DNAH3: variants seen among roughly 807,000 people sequenced by gnomAD.
DNAH3 encodes the protein axonemal beta dynein heavy chain 3.
DNAH3 carries 332 observed loss-of-function variants against 432.5 expected under a neutral mutation model. That is an observed-to-expected ratio of 0.77 (90% CI 0.70 to 0.84). The LOEUF is 0.84. Ranked by LOEUF, DNAH3 falls within the 40% of genes least tolerant of loss-of-function variation. The probability of loss-of-function intolerance (pLI) is 0.00; values close to 1 mark genes in which losing one functional copy is unlikely to be tolerated. For missense variants in DNAH3, 4,861 were observed against 5,114.0 expected, an observed-to-expected ratio of 0.95 and a Z score of 1.51; for synonymous variants, 1,956 against 1,900.2, an observed-to-expected ratio of 1.03 and a Z score of -0.76.
chr16:21,039,731 C>T (rs1597212809), intron 33 of DNAH3, 121 bp downstream of exon 33: 6 of 816,220 alleles, frequency 7.4e-6, no homozygotes, highest in Non-Finnish European at 1.3e-5. Flanking sequence ...ACCCAGTAAG[C>T]AGAAGCAAGT....
intron 17 of DNAH3, among the ~76,000 whole-genome samples, chr16:21,098,166 G>C (rs1230335667): frequency 6.6e-6 from 1 of 152,214 alleles, no homozygotes; most frequent in Non-Finnish European, 1.5e-5. Context: ...CAGTGAGCCA[G>C]GTGTGGTGGC....
At chr16:21,066,805 T>G (rs1345427144) in intron 24 of DNAH3, among the ~76,000 whole-genome samples, 2 of 152,212 alleles carry the variant, frequency 1.3e-5, no homozygotes, top group Non-Finnish European at 1.5e-5. Flanking sequence ...TGGTGTTTCT[T>G]AAACACATAG....
intron 59 of DNAH3, among the ~76,000 whole-genome samples, chr16:20,937,772 C>T (rs1010940259): frequency 1.3e-5 from 2 of 151,986 alleles, no homozygotes; most frequent in South Asian, 2.1e-4. Context: ...GTAATCCTCC[C>T]ACCTCAGCCT....
chr16:21,006,145 T>G (rs2087291837), intron 41 of DNAH3, among the ~76,000 whole-genome samples: 1 of 152,226 alleles, frequency 6.6e-6, no homozygotes, highest in Non-Finnish European at 1.5e-5. Flanking sequence ...TCTCTTCTGT[T>G]GTATGTGTAA....
At chr16:21,129,358 C>T (rs2092509090) in intron 7 of DNAH3, 2 of 152,488 alleles carry the variant, frequency 1.3e-5, no homozygotes, top group African/African-American at 4.8e-5. Flanking sequence ...GTAAAGGCTA[C>T]CCATGGCTGG....
At chr16:21,069,671 T>A (rs957228090) in intron 22 of DNAH3, 77 bp from the exon 23 acceptor site, 27 of 1,233,932 alleles carry the variant, frequency 2.2e-5, no homozygotes, top group Non-Finnish European at 3.0e-5. Flanking sequence ...AGCAAATGGA[T>A]GGAGCCGTAC....
chr16:21,151,403 C>T (rs1168252073), intron 1 of DNAH3, among the ~76,000 whole-genome samples: 3 of 150,362 alleles, frequency 2.0e-5, no homozygotes, highest in Non-Finnish European at 2.9e-5. Flanking sequence ...TCACTGCAAG[C>T]TCTGCCTCCC....
At chr16:20,933,973 C>T (rs1186042249) in intron 61 of DNAH3, among the ~76,000 whole-genome samples, 2 of 152,150 alleles carry the variant, frequency 1.3e-5, no homozygotes, top group East Asian at 3.8e-4. Context: ...ATTTAACAAC[C>T]AGCTCACAAA....
intron 61 of DNAH3, among the ~76,000 whole-genome samples, chr16:20,935,089 T>C (rs2152564033): frequency 6.6e-6 from 1 of 151,944 alleles, no homozygotes; most frequent in East Asian, 1.9e-4. Flanking sequence ...AGTGGGAGAG[T>C]GCCTTCATTT....
chr16:21,106,177 TAAA>T (rs767198150), intron 15 of DNAH3, among the ~76,000 whole-genome samples: 8 of 97,546 alleles, frequency 8.2e-5, no homozygotes, highest in Admixed American at 1.2e-4. Context: ...AGACTCCATC[TAAA>T]AAAAAAAAAA....
chr16:21,136,125 C>G (rs551677488), intron 6 of DNAH3, among the ~76,000 whole-genome samples, 199 bp downstream of exon 7: 2 of 151,812 alleles, frequency 1.3e-5, no homozygotes, highest in African/African-American at 4.8e-5. Context: ...AAAGAAGATG[C>G]CTTCCAGGCC....
intron 12 of DNAH3, among the ~76,000 whole-genome samples, chr16:21,115,059 GC>G (rs2092156504): frequency 6.6e-6 from 1 of 152,138 alleles, no homozygotes; most frequent in African/African-American, 2.4e-5. Flanking sequence ...ATACTATACA[GC>G]CATAAAAAAG....
chr16:21,101,108 A>G (rs2091826887), intron 16 of DNAH3, among the ~76,000 whole-genome samples: 1 of 152,248 alleles, frequency 6.6e-6, no homozygotes, highest in South Asian at 2.1e-4. Flanking sequence ...AATACACCTA[A>G]CCTACTGAAC....
chr16:20,941,594 G>A, intron 58 of DNAH3, 51 bp from the exon 59 acceptor site: 4 of 1,603,252 alleles, frequency 2.5e-6, no homozygotes, highest in Non-Finnish European at 3.4e-6. Flanking sequence ...CCTACAGGCT[G>A]TGGCTTTGGA....
At chr16:21,001,933 T>C (rs1335690279) in intron 42 of DNAH3, among the ~76,000 whole-genome samples, 1 of 152,234 alleles carries the variant, frequency 6.6e-6, no homozygotes, top group Admixed American at 6.5e-5. Flanking sequence ...TGGACTCTTT[T>C]ACTTGTGTTA....
intron 3 of DNAH3, among the ~76,000 whole-genome samples, chr16:21,143,948 T>C (rs1007262049): frequency 6.6e-6 from 1 of 151,922 alleles, no homozygotes; most frequent in Non-Finnish European, 1.5e-5. Context: ...AATTAGTAAA[T>C]TGGAAGATGT....
At chr16:21,048,741 T>A (rs1293446314) in intron 31 of DNAH3, among the ~76,000 whole-genome samples, 3 of 151,698 alleles carry the variant, frequency 2.0e-5, no homozygotes, top group Non-Finnish European at 2.9e-5. Context: ...ACTCCCAGCC[T>A]GGAGTGCAAT....
intron 18 of DNAH3, among the ~76,000 whole-genome samples, chr16:21,089,466 TA>T (rs569982315): frequency 9.7e-4 from 147 of 152,250 alleles, no homozygotes; most frequent in African/African-American, 3.4e-3. Flanking sequence ...TTCTGAGTCA[TA>T]AAACAAACCT....
rs756366455 is a variant in DNAH3 at position 21,051,680 on chromosome 16, G to A, written c.4228C>T (p.Arg1410Cys). 18 of 1,613,028 alleles carry A rather than the reference G, an allele frequency of 1.1e-5. No homozygotes were observed. The Middle Eastern group carries it at 5.8e-4, about 52-fold the overall frequency. The change falls in exon 29 of 62, where the codon CGC (arginine) becomes TGC (cysteine). Residue 1410 changes from arginine to cysteine, a missense_variant. Physicochemically the swap from Arg to Cys is radical, Grantham distance 180. Transcript: ENST00000261383. ...AGCTCCAGAGTGTACCTGTAGCAGC[G>A]GTCGGTGAGGGGTGTGATCACCAGC...
Sources: gnomAD v4.1 joint callset for allele counts (sites outside exome capture counted in the v4.1 genomes callset) on GRCh38, gnomAD v4.1.1 for gene constraint, MANE v1.5 for transcripts, NCBI Gene and HGNC (gene_info 2026-07-23, HGNC 2026-07-21) for gene names.